The following PRKG1 variants were observed in gnomAD, a reference collection of about 807,000 sequenced individuals.
PRKG1 encodes cGMP-dependent protein kinase 1.
A neutral mutation model predicts 88.1 loss-of-function variants in PRKG1; 35 were observed. The observed-to-expected ratio is 0.40, with a 90% confidence interval of 0.30 to 0.53. The LOEUF (loss-of-function observed/expected upper bound fraction) is 0.53, where lower values mean the gene tolerates loss of function less well. Ranked by LOEUF, PRKG1 falls within the 20% of genes least tolerant of loss-of-function variation. The pLI is 0.59. For synonymous variants in PRKG1, 303 were observed against 292.5 expected (o/e 1.04, Z -0.37); for missense variants, 540 against 839.8 (o/e 0.64, Z 4.41).
chr10:51,381,152 G>A (rs755539363), intron 2 of PRKG1, among the ~76,000 whole-genome samples: 3 of 151,088 alleles, frequency 2.0e-5, no homozygotes, highest in Non-Finnish European at 4.4e-5. Context: ...AGCTACTCAG[G>A]AGGCTGAGGC....
chr10:51,790,517 C>A (rs761466353), intron 3 of PRKG1, among the ~76,000 whole-genome samples: 60 of 152,146 alleles, frequency 3.9e-4, no homozygotes, highest in Non-Finnish European at 7.9e-4. Context: ...AAGCCACATA[C>A]TCCTGTATGG....
At chr10:51,488,604 T>A (rs1470980106) in intron 3 of PRKG1, among the ~76,000 whole-genome samples, 1 of 152,194 alleles carries the variant, frequency 6.6e-6, no homozygotes, top group Non-Finnish European at 1.5e-5. Flanking sequence ...TGAAATGTAA[T>A]CATGCCTAGA....
intron 3 of PRKG1, among the ~76,000 whole-genome samples, chr10:51,651,897 C>T (rs1408309309): frequency 6.6e-6 from 1 of 152,056 alleles, no homozygotes; most frequent in Non-Finnish European, 1.5e-5. Flanking sequence ...TTCTAATAAA[C>T]AGTAAATATT....
intron 3 of PRKG1, among the ~76,000 whole-genome samples, chr10:51,623,375 A>C (rs149122013): frequency 3.9e-5 from 6 of 152,120 alleles, no homozygotes; most frequent in African/African-American, 1.4e-4. Context: ...TAATTTTTTT[A>C]ACTATTTGTA....
At chr10:52,015,874 G>T (rs1287775856) in intron 5 of PRKG1, among the ~76,000 whole-genome samples, 2 of 152,130 alleles carry the variant, frequency 1.3e-5, no homozygotes, top group African/African-American at 4.8e-5. Context: ...CAGTGTCTTT[G>T]CTAAAGCATA....
chr10:52,292,938 G>A (rs1047399030), intron 17 of PRKG1, among the ~76,000 whole-genome samples: 2 of 152,194 alleles, frequency 1.3e-5, no homozygotes, highest in South Asian at 2.1e-4. Flanking sequence ...AGTAAATAAA[G>A]GGTATTCAAT....
chr10:51,053,211 T>C (rs778702557), intron 1 of PRKG1, among the ~76,000 whole-genome samples: 16 of 151,266 alleles, frequency 1.1e-4, no homozygotes, highest in Non-Finnish European at 1.8e-4. Flanking sequence ...GTCTGGGCGA[T>C]AGCGCAAGAC....
chr10:51,611,436 T>C (rs1838904697), intron 3 of PRKG1, among the ~76,000 whole-genome samples: 1 of 152,018 alleles, frequency 6.6e-6, no homozygotes. Context: ...TTGAGAAATA[T>C]CTATTCATGT....
chr10:51,395,045 T>A (rs763696303), intron 2 of PRKG1, among the ~76,000 whole-genome samples: 2 of 152,252 alleles, frequency 1.3e-5, no homozygotes, highest in African/African-American at 2.4e-5. Context: ...ATGCTCCAAA[T>A]TCTGAGGAGT....
intron 1 of PRKG1, among the ~76,000 whole-genome samples, chr10:51,089,946 C>A (rs1844358064): frequency 6.6e-6 from 1 of 152,192 alleles, no homozygotes; most frequent in Non-Finnish European, 1.5e-5. Flanking sequence ...TGAGAAGCCA[C>A]TGACTCCTGT....
intron 9 of PRKG1, among the ~76,000 whole-genome samples, chr10:52,229,742 G>A (rs146085297): frequency 1.1e-4 from 16 of 152,266 alleles, no homozygotes; most frequent in South Asian, 4.1e-4. Context: ...GAAGGTAAGC[G>A]TCTTGTGCTG....
rs527501144 is a variant in PRKG1, at chr10:51,347,988, G to A, written c.479-119735G>A. 1.7e-3 allele frequency among the ~76,000 whole-genome samples: 264 copies of A among 152,112 alleles called. 2 individuals are homozygous for A. The highest frequency in any genetic ancestry group is 6.1e-3 in the African/African-American group (252 of 41,496). ...TGAGGCAGGACAATGGCGTGAACCC[G>A]GGAGGCGGAGCTTGCAGTGAGCCGA... On this transcript the variant is annotated intron_variant, in intron 2 of 17. Coordinates refer to ENST00000373980, the MANE Select transcript of PRKG1 (RefSeq NM_006258.4).
At chr10:51,009,058 G>A (rs898805487) in intron 1 of PRKG1, among the ~76,000 whole-genome samples, 4 of 152,132 alleles carry the variant, frequency 2.6e-5, no homozygotes, top group African/African-American at 9.7e-5. Flanking sequence ...AGGATTTATA[G>A]GGAAACAAAA....
chr10:51,145,881 T>C (rs569794622), intron 1 of PRKG1, among the ~76,000 whole-genome samples: 22 of 152,182 alleles, frequency 1.4e-4, no homozygotes, highest in Non-Finnish European at 2.4e-4. Flanking sequence ...CCATACTGTT[T>C]TCCCTGGCTA....
intron 4 of PRKG1, among the ~76,000 whole-genome samples, chr10:51,833,119 A>G (rs943568930): frequency 2.0e-5 from 3 of 152,164 alleles, no homozygotes; most frequent in African/African-American, 7.2e-5. Context: ...TTAGTCATGA[A>G]TGGCAACAAA....
intron 3 of PRKG1, among the ~76,000 whole-genome samples, chr10:51,724,050 G>A (rs1001945527): frequency 2.6e-5 from 4 of 152,122 alleles, no homozygotes; most frequent in African/African-American, 7.2e-5. Context: ...ATTAGTGTGT[G>A]TGTCTGAGTG....
chr10:52,233,196 A>AGAG (rs1554819737), intron 9 of PRKG1, among the ~76,000 whole-genome samples: 2 of 150,332 alleles, frequency 1.3e-5, no homozygotes. Context: ...AAAAAAAAAA[A>AGAG]AGAGAGAGAG....
intron 9 of PRKG1, among the ~76,000 whole-genome samples, chr10:52,194,692 C>A (rs1411321723): frequency 6.6e-6 from 1 of 152,046 alleles, no homozygotes; most frequent in African/African-American, 2.4e-5. Context: ...AAGTAAATTT[C>A]AATTTAGCTA....
intron 10 of PRKG1, among the ~76,000 whole-genome samples, chr10:52,253,967 G>A (rs928832781): frequency 6.6e-6 from 1 of 151,894 alleles, no homozygotes; most frequent in African/African-American, 2.4e-5. Flanking sequence ...AGTATTCAAT[G>A]TGGACCAGCC....
Sources: gnomAD v4.1 joint callset for allele counts (sites outside exome capture counted in the v4.1 genomes callset) on GRCh38, gnomAD v4.1.1 for gene constraint, MANE v1.5 for transcripts, NCBI Gene and HGNC (gene_info 2026-07-23, HGNC 2026-07-21) for gene names.